The following DOT1L variants were observed in gnomAD, a reference collection of about 807,000 sequenced individuals.
DOT1L encodes histone-lysine N-methyltransferase, H3 lysine-79 specific.
Under a neutral mutation model 153.3 loss-of-function variants are expected in DOT1L, and 33 were observed. The ratio of observed to expected loss-of-function variants is 0.22; its 90% CI spans 0.16 to 0.29. The LOEUF is 0.29. Among genes scored for constraint, DOT1L ranks in the 10% least tolerant of loss-of-function variants. DOT1L has a pLI of 1.00. For missense variants in DOT1L, 1,847 were observed against 2,119.9 expected (o/e 0.87, Z 2.53); for synonymous variants, 1,135 against 965.1 (o/e 1.18, Z -3.26).
In DOT1L at chr19:2,197,366, C is replaced by G. The variant is rs1292728453; in HGVS notation, c.652-2518C>G. Among the ~76,000 whole-genome samples the G allele has an allele frequency of 6.6e-6, 1 of 152,208 alleles. No homozygotes were observed. Among genetic ancestry groups the G allele is most frequent in the Non-Finnish European group, 1.5e-5 (1 of 68,038 alleles). On this transcript the variant is annotated intron_variant, in intron 7 of 27. Coordinates refer to ENST00000398665, the MANE Select transcript of DOT1L (RefSeq NM_032482.3). The surrounding 1 kb of genome is among the most constrained non-coding windows in gnomAD (Gnocchi z 4.1). ...TGTGGCAGGCGAGCCACACAGATCCCAGCACAGAGGATGGAAGCCCTCGCC... is the reference window on the plus strand; with the variant it reads ...TGTGGCAGGCGAGCCACACAGATCCGAGCACAGAGGATGGAAGCCCTCGCC...
At chr19:2,201,183 C>T (rs1229249654) in intron 8 of DOT1L, among the ~76,000 whole-genome samples, 3 of 143,858 alleles carry the variant, frequency 2.1e-5, no homozygotes, top group Admixed American at 1.4e-4. Flanking sequence ...CCGCATTCCT[C>T]GTCCTCCCCT....
At chr19:2,199,241 G>C (rs769199095) in intron 7 of DOT1L, among the ~76,000 whole-genome samples, 1 of 152,342 alleles carries the variant, frequency 6.6e-6, no homozygotes, top group South Asian at 2.1e-4. Flanking sequence ...TGAGTGTGGC[G>C]TGGAGCTGTG....
At chr19:2,174,468 C>G (rs940002664) in intron 1 of DOT1L, among the ~76,000 whole-genome samples, 1 of 152,092 alleles carries the variant, frequency 6.6e-6, no homozygotes, top group Non-Finnish European at 1.5e-5. Context: ...GGGCAGATCA[C>G]CTGAGGTTGG....
At chr19:2,167,761 A>C in intron 1 of DOT1L, among the ~76,000 whole-genome samples, 1 of 140,080 alleles carries the variant, frequency 7.1e-6, no homozygotes. Flanking sequence ...TTTGAGACAG[A>C]GTCTTGCTCT....
At chr19:2,228,604 G>A (rs2024470217) in intron 27 of DOT1L, 1 of 985,280 alleles carries the variant, frequency 1.0e-6, no homozygotes, top group Admixed American at 6.1e-5. Context: ...GCCCGCAGCT[G>A]GGTTCCTGCG....
At position 2,183,598 on chromosome 19, in the gene DOT1L, C is replaced by T. The variant is rs2022346252; in HGVS notation, c.126-2257C>T. 2.0e-5 allele frequency among the ~76,000 whole-genome samples: 3 copies of T among 151,458 alleles called. No homozygotes were observed. The South Asian group carries it at 6.2e-4, about 32-fold the overall frequency. On this transcript the variant is annotated intron_variant, in intron 2 of 27. Coordinates refer to ENST00000398665, the MANE Select transcript of DOT1L (RefSeq NM_032482.3). ...CAGCTTGGGGAAAGGGGCGTTTAAA[C>T]AGTGTCACTCCCAGGTATTCCTGCT...
chr19:2,168,483 A>G (rs1007861091), intron 1 of DOT1L, among the ~76,000 whole-genome samples: 1 of 152,212 alleles, frequency 6.6e-6, no homozygotes, highest in Non-Finnish European at 1.5e-5. Context: ...AATAGCCACA[A>G]CTGTCCACGC....
intron 8 of DOT1L, among the ~76,000 whole-genome samples, chr19:2,200,335 C>T (rs376617064): frequency 6.0e-5 from 9 of 151,208 alleles, no homozygotes; most frequent in African/African-American, 1.9e-4. Context: ...GAGGGCTGCT[C>T]GAGGGAGCGG....
In DOT1L at chr19:2,168,146, C is replaced by T. The variant is rs79473699; in HGVS notation, c.81+3881C>T. 3.7e-4 allele frequency among the ~76,000 whole-genome samples: 56 copies of T among 152,226 alleles called. 1 individual carries two copies. The East Asian group carries it at 0.011, about 29-fold the overall frequency. On this transcript the variant is annotated intron_variant, in intron 1 of 27. Coordinates refer to ENST00000398665, the MANE Select transcript of DOT1L (RefSeq NM_032482.3). ...CCAATATTCTCCCCCCGCCACCGCC[C>T]CAGCATTCTTAGTCTCAAGAAACCT...
At chr19:2,188,847 C>T (rs932660369) in intron 3 of DOT1L, among the ~76,000 whole-genome samples, 5 of 152,220 alleles carry the variant, frequency 3.3e-5, no homozygotes, top group Non-Finnish European at 5.9e-5. Flanking sequence ...GCAGGCTTGC[C>T]CCCACCCCGG....
Position 2,179,073 on chromosome 19 carries a change from T to TG in DOT1L, c.82-1631dup, listed in dbSNP as rs113826556. ...TGATCCCTCAGTGCATAAGGAAAGC[T>TG]GGGGGGGGGTCTCCTATGGTCTGGC... On this transcript the variant is annotated intron_variant, in intron 1 of 27. Transcript: ENST00000398665. Among the ~76,000 whole-genome samples the TG allele has an allele frequency of 9.3e-3, 1,403 of 150,150 alleles. 13 individuals carry two copies. The highest frequency in any genetic ancestry group is 8.4e-3 in the African/African-American group (345 of 40,900).
chr19:2,225,557 T>A, intron 26 of DOT1L, 105 bp downstream of exon 26: 1 of 1,242,780 alleles, frequency 8.0e-7, no homozygotes, highest in African/African-American at 1.5e-5. Flanking sequence ...GTGTCCCGCA[T>A]GGTGCTGGCC....
chr19:2,221,849 C>G, intron 23 of DOT1L, 127 bp from the exon 24 acceptor site: 1 of 1,031,880 alleles, frequency 9.7e-7, no homozygotes. Flanking sequence ...TTTCAGACTC[C>G]CAACCCCTTC....
chr19:2,206,864 T>G (rs1381227025), intron 10 of DOT1L, 67 bp downstream of exon 10: 1 of 1,490,568 alleles, frequency 6.7e-7, no homozygotes, highest in African/African-American at 1.4e-5. Flanking sequence ...GCAGTATTCC[T>G]AGGTCCCTCT....
In DOT1L at chr19:2,210,796, C is replaced by T. The variant is rs371162200; in HGVS notation, c.1292C>T (p.Thr431Ile). The T allele has an allele frequency of 1.9e-6, 3 of 1,613,010 alleles. No individual in the cohort carries two copies. The highest frequency in any genetic ancestry group is 3.3e-5 in the Admixed American group (2 of 60,026). Residue 431 changes from threonine to isoleucine, a missense_variant, in exon 14 of 28, where the codon ACT (threonine) becomes ATT (isoleucine). Transcript: ENST00000398665. ...NPERKPKKNQ[T>I]ALDALHAQTV... ...GAGCGGAAGCCCAAGAAGAACCAAACTGCACTGGATGCCCTGCACGCTCAG... is the reference window on the plus strand; with the variant it reads ...GAGCGGAAGCCCAAGAAGAACCAAATTGCACTGGATGCCCTGCACGCTCAG...
Position 2,230,545 on chromosome 19 carries a change from T to TCGGCTGTCCATGGCTCG in DOT1L, c.*755_*771dup, listed in dbSNP as rs2024556139. 4 of 398,628 alleles carry TCGGCTGTCCATGGCTCG rather than the reference T, an allele frequency of 1.0e-5. No individual in the cohort carries two copies. The highest frequency in any genetic ancestry group is 1.8e-5 in the Non-Finnish European group (4 of 226,124). The allele number at this position is 398,628 out of a possible 1,614,324, so 24.7% of individuals were successfully genotyped here. ...ACAAGTGCATTTACTTTTGTATTTC[T>TCGGCTGTCCATGGCTCG]CGGCTGTCCATGGCTCGCAGCATGC... is the stretch of plus-strand genomic sequence containing the variant. On this transcript the variant is annotated 3_prime_UTR_variant, in exon 28 of 28. Coordinates refer to ENST00000398665, the MANE Select transcript of DOT1L (RefSeq NM_032482.3).
intron 19 of DOT1L, 100 bp downstream of exon 19, chr19:2,214,696 T>G (rs1218183722): frequency 2.7e-6 from 4 of 1,492,238 alleles, no homozygotes; most frequent in Non-Finnish European, 3.6e-6. Flanking sequence ...TGCAGCAGCC[T>G]AGGAAGAAGG....
chr19:2,220,439 GGTCTC>G lies in DOT1L; in HGVS notation c.2806+218_2806+222del. Reference sequence around the variant, plus strand: ...TGCAGCCATCTCGGCCTCATACCTGGGTCTCCCGACACTGACACCTCCTGCTTGGG... The same window carrying G: ...TGCAGCCATCTCGGCCTCATACCTGGCCGACACTGACACCTCCTGCTTGGG... On this transcript the variant is annotated intron_variant, in intron 23 of 27. Coordinates refer to ENST00000398665, the MANE Select transcript of DOT1L (RefSeq NM_032482.3). This position sits in a 1 kb window ranked among gnomAD's most constrained non-coding sequence, Gnocchi z 4.5. 1 of 663,490 alleles carries G rather than the reference GGTCTC, an allele frequency of 1.5e-6. No individual in the cohort carries two copies. The highest frequency in any genetic ancestry group is 2.8e-6 in the Non-Finnish European group (1 of 360,548). The allele number at this position is 663,490 out of a possible 1,614,324, so 41.1% of individuals were successfully genotyped here. A position where few individuals can be genotyped will look rare whatever the true frequency, so the allele number is the denominator to read the frequency against.
At chr19:2,213,483 G>C in intron 16 of DOT1L, 56 bp from the exon 17 acceptor site, 4 of 1,574,532 alleles carry the variant, frequency 2.5e-6, no homozygotes, top group Non-Finnish European at 3.5e-6. Context: ...GGCCCTCCCT[G>C]TGGGCCCTCA....
Sources: gnomAD v4.1 joint callset for allele counts (sites outside exome capture counted in the v4.1 genomes callset) on GRCh38, gnomAD v4.1.1 for gene constraint, Gnocchi (gnomAD v3.1) non-coding constraint, MANE v1.5 for transcripts, NCBI Gene and HGNC (gene_info 2026-07-23, HGNC 2026-07-21) for gene names.